EDA: variants seen among roughly 807,000 people sequenced by gnomAD.
EDA encodes the protein ectodysplasin-A.
In EDA, 2 loss-of-function variants were observed where a neutral mutation model predicts 23.6. That is an observed-to-expected ratio of 0.08 (90% confidence interval 0.03 to 0.27). EDA has a LOEUF of 0.27. Among genes scored for constraint, EDA ranks in the 10% least tolerant of loss-of-function variants. The probability of loss-of-function intolerance (pLI) is 1.00; values close to 1 mark genes in which losing one functional copy is unlikely to be tolerated. For missense variants in EDA, 229 were observed against 324.2 expected, an observed-to-expected ratio of 0.71 and a Z score of 2.26; for synonymous variants, 131 against 132.0, an observed-to-expected ratio of 0.99 and a Z score of 0.05.
chrX:69,666,987 A>G (rs755454353), intron 1 of EDA, among the ~76,000 whole-genome samples: 1 of 110,784 alleles, frequency 9.0e-6, no homozygotes, highest in East Asian at 2.8e-4. Context: ...AGTCTGTTCA[A>G]GCTTTCTATT....
At chrX:70,033,011 A>G (rs1181406141) in intron 6 of EDA, among the ~76,000 whole-genome samples, 2 of 112,920 alleles carry the variant, frequency 1.8e-5, no homozygotes, top group Non-Finnish European at 3.7e-5. Context: ...AAATTGAATA[A>G]TAAGACCTAG....
In EDA at chrX:69,704,415, A is replaced by G. The variant is rs1304751460; in HGVS notation, c.396+87711A>G. On this transcript the variant is annotated intron_variant, in intron 1 of 7. Transcript: ENST00000374552. ...ACAGGCTTCAGAGAGAATAGATTGT[A>G]AATATTTCTTATCAGACCTAAAGGG... 2.7e-5 allele frequency among the ~76,000 whole-genome samples: 3 copies of G among 111,684 alleles called. No individual in the cohort carries two copies. The East Asian group carries it at 8.4e-4, about 31-fold the overall frequency.
chrX:69,744,446 T>C (rs1015059018), intron 1 of EDA, among the ~76,000 whole-genome samples: 1 of 112,148 alleles, frequency 8.9e-6, no homozygotes, highest in African/African-American at 3.2e-5. Context: ...AAATCATTGG[T>C]CATAGTACTG....
intron 1 of EDA, among the ~76,000 whole-genome samples, chrX:69,836,753 AG>A (rs1413616046): frequency 8.9e-6 from 1 of 112,146 alleles, no homozygotes; most frequent in Admixed American, 9.4e-5. Flanking sequence ...CTGTCCATCC[AG>A]TCTCAATGAG....
rs373960159 is a variant in EDA at position 69,959,098 on chromosome X, C to G, written c.502+1966C>G. ...AGCTACCAACGTCTCTGATACCGAT[C>G]TTCCTTAGAATGTTTATTCTGTCCT... On this transcript the variant is annotated intron_variant, in intron 2 of 7. Coordinates refer to ENST00000374552, the MANE Select transcript of EDA (RefSeq NM_001399.5). Among the ~76,000 whole-genome samples the G allele has an allele frequency of 3.9e-4, 44 of 112,291 alleles. 1 individual carries two copies. Among genetic ancestry groups the G allele is most frequent in the African/African-American group, 1.4e-3 (43 of 30,965 alleles).
At chrX:69,861,286 A>G (rs2017379216) in intron 1 of EDA, 1 of 168,776 alleles carries the variant, frequency 5.9e-6, no homozygotes, top group Non-Finnish European at 1.1e-5. Flanking sequence ...AAAATACCAG[A>G]CAATAACATG....
intron 1 of EDA, among the ~76,000 whole-genome samples, chrX:69,783,546 T>C (rs1170044344): frequency 9.1e-6 from 1 of 109,453 alleles, no homozygotes; most frequent in Non-Finnish European, 1.9e-5. Context: ...TCTTTGGTTT[T>C]CTGTTCTTGT....
intron 1 of EDA, among the ~76,000 whole-genome samples, chrX:69,768,721 A>G (rs1365646053): frequency 9.0e-6 from 1 of 111,694 alleles, no homozygotes; most frequent in Non-Finnish European, 1.9e-5. Flanking sequence ...GTCAATTTCT[A>G]CAAACATTTC....
At position 70,016,057 on chromosome X, in the gene EDA, C is replaced by A. The variant is rs865970169; in HGVS notation, c.503-7161C>A. On this transcript the variant is annotated intron_variant, in intron 2 of 7. Transcript: ENST00000374552. ...GCAAATGGAGAAAGAAAAAAAAAAA[C>A]AAAAAAAAACAGGGATTGCTATTTT... Among the ~76,000 whole-genome samples, 505 of 101,644 alleles carry A rather than the reference C, an allele frequency of 5.0e-3. 4 individuals carry two copies. The highest frequency in any genetic ancestry group is 0.017 in the African/African-American group (466 of 27,929). The allele number at this position is 101,644 out of a possible 115,157, so 88.3% of individuals were successfully genotyped here. A position where few individuals can be genotyped will look rare whatever the true frequency, so the allele number is the denominator to read the frequency against.
chrX:69,989,410 T>C (rs967242042), intron 2 of EDA, among the ~76,000 whole-genome samples: 6 of 111,540 alleles, frequency 5.4e-5, no homozygotes, highest in African/African-American at 2.0e-4. Flanking sequence ...ATACCTCACA[T>C]AGGGGTTTCC....
rs758329680 is a variant in EDA, at chrX:69,812,275, A to G, written c.397-144752A>G. 8.1e-4 allele frequency among the ~76,000 whole-genome samples: 91 copies of G among 112,182 alleles called. 1 individual carries two copies. Among genetic ancestry groups the G allele is most frequent in the South Asian group, 3.0e-3 (8 of 2,684 alleles). ...CCACTCTCTTCCACTATGTAATTCT[A>G]TTTTTAGAAGTCCTATGTAGCTTTA... is the stretch of plus-strand genomic sequence containing the variant. On this transcript the variant is annotated intron_variant, in intron 1 of 7. Coordinates refer to ENST00000374552, the MANE Select transcript of EDA (RefSeq NM_001399.5).
chrX:69,855,611 G>A (rs2017229565), intron 1 of EDA, among the ~76,000 whole-genome samples: 1 of 111,679 alleles, frequency 9.0e-6, no homozygotes, highest in South Asian at 3.7e-4. Flanking sequence ...GTTTGTGGAA[G>A]ACCAGATGGT....
In EDA at chrX:69,887,129, C is replaced by T. The variant is rs2017841181; in HGVS notation, c.397-69898C>T. Among the ~76,000 whole-genome samples the T allele has an allele frequency of 2.7e-5, 3 of 111,021 alleles. No homozygotes were observed. The Admixed American group carries it at 2.9e-4, about 11-fold the overall frequency. On this transcript the variant is annotated intron_variant, in intron 1 of 7. Coordinates refer to ENST00000374552, the MANE Select transcript of EDA (RefSeq NM_001399.5). ...TAAATAAAATTAATAGCCTAGGCAGCATGGGGAGACCTCATCTCTACAAAA... is the reference window on the plus strand; with the variant it reads ...TAAATAAAATTAATAGCCTAGGCAGTATGGGGAGACCTCATCTCTACAAAA...
intron 1 of EDA, among the ~76,000 whole-genome samples, chrX:69,634,419 C>T (rs187175347): frequency 9.0e-6 from 1 of 111,030 alleles, no homozygotes; most frequent in Admixed American, 9.6e-5. Flanking sequence ...CTAAAGTGAT[C>T]CTTCCGCATC....
intron 1 of EDA, among the ~76,000 whole-genome samples, chrX:69,714,151 A>T (rs2012213579): frequency 9.0e-6 from 1 of 110,722 alleles, no homozygotes; most frequent in African/African-American, 3.3e-5. Context: ...TTTAATTTTA[A>T]TTTCCCTGAT....
intron 3 of EDA, 69 bp downstream of exon 3, chrX:70,023,310 G>T: frequency 1.3e-6 from 1 of 747,833 alleles, no homozygotes; most frequent in South Asian, 2.5e-5. Context: ...AAAAAATCAA[G>T]AGTGCGATTT....
intron 1 of EDA, among the ~76,000 whole-genome samples, chrX:69,873,579 A>G (rs2147611326): frequency 8.9e-6 from 1 of 112,670 alleles, no homozygotes; most frequent in South Asian, 3.7e-4. Context: ...CTGATACCAC[A>G]GAAATACAAA....
chrX:69,887,055 A>G (rs1343300550), intron 1 of EDA, among the ~76,000 whole-genome samples: 1 of 112,277 alleles, frequency 8.9e-6, no homozygotes, highest in Non-Finnish European at 1.9e-5. Flanking sequence ...ATTCAAAATG[A>G]TCATCTTAAA....
chrX:69,712,428 G>A (rs889639784), intron 1 of EDA, among the ~76,000 whole-genome samples: 4 of 111,582 alleles, frequency 3.6e-5, no homozygotes, highest in Non-Finnish European at 5.7e-5. Context: ...CTCAAAAGAA[G>A]ACATTTATGC....
Sources: gnomAD v4.1 joint callset for allele counts (sites outside exome capture counted in the v4.1 genomes callset) on GRCh38, gnomAD v4.1.1 for gene constraint, MANE v1.5 for transcripts, NCBI Gene and HGNC (gene_info 2026-07-23, HGNC 2026-07-21) for gene names.